INPP4B: variants seen among roughly 807,000 people sequenced by gnomAD.
INPP4B encodes the protein inositol polyphosphate-4-phosphatase type II B.
Under a neutral mutation model 122.5 loss-of-function variants are expected in INPP4B, and 55 were observed. That is an observed-to-expected ratio of 0.45 (90% CI 0.36 to 0.56). The LOEUF (loss-of-function observed/expected upper bound fraction) is 0.56, where lower values mean the gene tolerates loss of function less well. INPP4B is among the 20% of genes least tolerant of loss of function. The pLI is 0.00. For synonymous variants in INPP4B, 403 were observed against 388.7 expected, an observed-to-expected ratio of 1.04 and a Z score of -0.43; for missense variants, 1,000 against 1,097.7, an observed-to-expected ratio of 0.91 and a Z score of 1.26.
At chr4:142,389,334 T>A (rs1041241421) in intron 7 of INPP4B, among the ~76,000 whole-genome samples, 1 of 152,030 alleles carries the variant, frequency 6.6e-6, no homozygotes, top group African/African-American at 2.4e-5. Context: ...AGTGTAGTTA[T>A]ATATGTGTCA....
At chr4:142,693,186 A>G (rs1373867997) in intron 2 of INPP4B, among the ~76,000 whole-genome samples, 2 of 152,050 alleles carry the variant, frequency 1.3e-5, no homozygotes, top group African/African-American at 4.8e-5. Context: ...GGGGTACCAG[A>G]AATTACTTTA....
intron 7 of INPP4B, among the ~76,000 whole-genome samples, chr4:142,340,704 T>G (rs1056103186): frequency 9.2e-5 from 14 of 152,168 alleles, no homozygotes; most frequent in African/African-American, 3.4e-4. Flanking sequence ...TGAGCCACCA[T>G]AACCAGCCAG....
chr4:142,683,284 A>T (rs1355040840), intron 2 of INPP4B, among the ~76,000 whole-genome samples: 1 of 151,964 alleles, frequency 6.6e-6, no homozygotes, highest in Non-Finnish European at 1.5e-5. Flanking sequence ...TGAGAGCACA[A>T]AACAGGAATT....
At chr4:142,038,503 A>G (rs186456536) in intron 25 of INPP4B, among the ~76,000 whole-genome samples, 13 of 152,326 alleles carry the variant, frequency 8.5e-5, no homozygotes, top group Admixed American at 8.5e-4. Flanking sequence ...AACATTAAGC[A>G]AAATGCCCAC....
chr4:142,385,289 A>G (rs1437252711), intron 7 of INPP4B, among the ~76,000 whole-genome samples: 1 of 151,918 alleles, frequency 6.6e-6, no homozygotes, highest in Admixed American at 6.6e-5. Flanking sequence ...TGACTTTTCA[A>G]TTATAGCCAT....
intron 23 of INPP4B, among the ~76,000 whole-genome samples, chr4:142,101,737 T>C (rs1386423163): frequency 6.6e-6 from 1 of 152,162 alleles, no homozygotes; most frequent in Non-Finnish European, 1.5e-5. Flanking sequence ...TTATTATACA[T>C]GGAATATGAT....
intron 6 of INPP4B, 70 bp from the exon 7 acceptor site, chr4:142,403,124 A>C (rs1430602509): frequency 4.9e-6 from 4 of 814,098 alleles, no homozygotes. Context: ...CGCAAGTGAC[A>C]CATGAGAATG....
At chr4:142,429,609 T>G (rs940955415) in intron 4 of INPP4B, among the ~76,000 whole-genome samples, 1 of 152,044 alleles carries the variant, frequency 6.6e-6, no homozygotes, top group Admixed American at 6.6e-5. Flanking sequence ...TCCAAGCCAC[T>G]CTAACCTGCT....
intron 2 of INPP4B, among the ~76,000 whole-genome samples, chr4:142,484,632 A>G (rs1255571868): frequency 6.6e-6 from 1 of 152,142 alleles, no homozygotes; most frequent in African/African-American, 2.4e-5. Flanking sequence ...ACATAGGTAC[A>G]TGTACAGGAT....
intron 7 of INPP4B, among the ~76,000 whole-genome samples, chr4:142,341,171 A>G (rs1032481830): frequency 3.7e-4 from 56 of 152,324 alleles, no homozygotes; most frequent in African/African-American, 1.2e-3. Flanking sequence ...AACATTTTAT[A>G]TAAAGCAAAA....
At chr4:142,040,285 C>A (rs1487807667) in intron 25 of INPP4B, among the ~76,000 whole-genome samples, 2 of 152,062 alleles carry the variant, frequency 1.3e-5, no homozygotes, top group Non-Finnish European at 2.9e-5. Context: ...CATGGCTGAC[C>A]CTTGGTCGTT....
intron 23 of INPP4B, among the ~76,000 whole-genome samples, chr4:142,099,999 A>G (rs971864212): frequency 1.3e-5 from 2 of 152,136 alleles, no homozygotes; most frequent in Non-Finnish European, 2.9e-5. Context: ...ACGGCTTGTT[A>G]AAACACACAA....
intron 11 of INPP4B, among the ~76,000 whole-genome samples, chr4:142,246,568 G>C (rs947742545): frequency 6.6e-6 from 1 of 152,110 alleles, no homozygotes; most frequent in African/African-American, 2.4e-5. Flanking sequence ...ATTGTGAATA[G>C]GAGTTCACTC....
chr4:142,714,983 G>A (rs1325886017), intron 2 of INPP4B, among the ~76,000 whole-genome samples: 1 of 152,134 alleles, frequency 6.6e-6, no homozygotes, highest in Admixed American at 6.5e-5. Flanking sequence ...ATGTGCAGTG[G>A]CTAGGAAATA....
At chr4:142,773,430 A>T (rs1361487016) in intron 1 of INPP4B, among the ~76,000 whole-genome samples, 1 of 152,168 alleles carries the variant, frequency 6.6e-6, no homozygotes, top group Non-Finnish European at 1.5e-5. Flanking sequence ...AATGGAATAT[A>T]CTGTTTATTA....
At chr4:142,691,913 G>A (rs766552871) in intron 2 of INPP4B, among the ~76,000 whole-genome samples, 5 of 152,106 alleles carry the variant, frequency 3.3e-5, no homozygotes, top group Non-Finnish European at 7.4e-5. Flanking sequence ...CCTCTGAAAG[G>A]AGGAGGATAA....
chr4:142,576,063 T>C (rs1733764858), intron 2 of INPP4B, among the ~76,000 whole-genome samples: 1 of 152,044 alleles, frequency 6.6e-6, no homozygotes, highest in Non-Finnish European at 1.5e-5. Flanking sequence ...GATTTCCCAA[T>C]AGCCTACGAG....
intron 1 of INPP4B, among the ~76,000 whole-genome samples, chr4:142,801,487 C>T (rs1409136358): frequency 6.6e-6 from 1 of 152,138 alleles, no homozygotes; most frequent in Non-Finnish European, 1.5e-5. Context: ...GAGGACACAG[C>T]GAGTGGAGGC....
chr4:142,048,159 T>G (rs140127242), intron 25 of INPP4B, among the ~76,000 whole-genome samples: 21 of 152,204 alleles, frequency 1.4e-4, no homozygotes, highest in African/African-American at 5.1e-4. Context: ...AAACTCTCAC[T>G]GGTAACATGA....
Sources: allele counts gnomAD v4.1 joint callset (sites outside exome capture counted in the v4.1 genomes callset), GRCh38; gene constraint gnomAD v4.1.1; transcripts MANE v1.5; gene names NCBI Gene and HGNC (gene_info 2026-07-23, HGNC 2026-07-21).